BMERB1: variants seen among roughly 807,000 people sequenced by gnomAD.
The protein encoded by BMERB1 is bMERB domain containing 1, also known as bMERB domain-containing protein 1.
BMERB1 carries 12 observed loss-of-function variants against 23.6 expected under a neutral mutation model. The observed-to-expected ratio is 0.51, with a 90% CI of 0.33 to 0.82. The LOEUF is 0.82. BMERB1 is among the 40% of genes least tolerant of loss of function. The probability of loss-of-function intolerance (pLI) is 0.03; values close to 1 mark genes in which losing one functional copy is unlikely to be tolerated. For synonymous variants in BMERB1, 122 were observed against 96.6 expected, an observed-to-expected ratio of 1.26 and a Z score of -1.54; for missense variants, 247 against 255.4, an observed-to-expected ratio of 0.97 and a Z score of 0.22.
intron 2 of BMERB1, among the ~76,000 whole-genome samples, chr16:15,524,738 T>A (rs1279532320): frequency 6.6e-6 from 1 of 152,136 alleles, no homozygotes; most frequent in African/African-American, 2.4e-5. Flanking sequence ...GCCACTGCAT[T>A]CCAGCCTGGG....
chr16:15,465,346 GAT>G (rs145689655), intron 1 of BMERB1, among the ~76,000 whole-genome samples: 2 of 116,926 alleles, frequency 1.7e-5, no homozygotes, highest in African/African-American at 3.0e-5. Context: ...TCAATGCTAA[GAT>G]ATATATTTTT....
intron 1 of BMERB1, among the ~76,000 whole-genome samples, chr16:15,454,707 G>A (rs1033644347): frequency 4.0e-5 from 6 of 151,198 alleles, no homozygotes; most frequent in Admixed American, 6.6e-5. Flanking sequence ...CAGGAGAATC[G>A]CTTGAACCCA....
intron 3 of BMERB1, among the ~76,000 whole-genome samples, chr16:15,568,612 T>A (rs565176877): frequency 2.8e-4 from 43 of 152,248 alleles, no homozygotes; most frequent in Non-Finnish European, 5.7e-4. Context: ...CACTCCAGCC[T>A]GGGCAACACA....
chr16:15,495,044 T>C (rs1051834045), intron 1 of BMERB1, among the ~76,000 whole-genome samples: 4 of 151,374 alleles, frequency 2.6e-5, no homozygotes, highest in South Asian at 2.1e-4. Context: ...CCACCACCCC[T>C]GGCTAATTTT....
chr16:15,485,227 G>T (rs949892758), intron 1 of BMERB1, among the ~76,000 whole-genome samples: 1 of 152,172 alleles, frequency 6.6e-6, no homozygotes, highest in Non-Finnish European at 1.5e-5. Flanking sequence ...GTTCTGGGTC[G>T]TATGTTCATT....
At chr16:15,544,284 A>T (rs1180334777) in intron 2 of BMERB1, among the ~76,000 whole-genome samples, 1 of 152,222 alleles carries the variant, frequency 6.6e-6, no homozygotes. Flanking sequence ...ATTTTTTGAC[A>T]AGTGTTCATT....
At chr16:15,466,988 A>G (rs1214828879) in intron 1 of BMERB1, among the ~76,000 whole-genome samples, 1 of 152,082 alleles carries the variant, frequency 6.6e-6, no homozygotes, top group African/African-American at 2.4e-5. Context: ...ACTCACCGTA[A>G]TTCTCTCAAG....
intron 2 of BMERB1, among the ~76,000 whole-genome samples, chr16:15,536,280 G>T (rs1039381000): frequency 6.6e-6 from 1 of 152,086 alleles, no homozygotes; most frequent in African/African-American, 2.4e-5. Context: ...CTTCCTGACC[G>T]CTGGGCCTGC....
At chr16:15,458,381 T>C (rs2150926844) in intron 1 of BMERB1, among the ~76,000 whole-genome samples, 1 of 152,248 alleles carries the variant, frequency 6.6e-6, no homozygotes, top group African/African-American at 2.4e-5. Context: ...CTTTGTGGAA[T>C]AAAACAATTG....
chr16:15,450,261 G>A (rs1288787291), intron 1 of BMERB1, among the ~76,000 whole-genome samples: 8 of 151,864 alleles, frequency 5.3e-5, no homozygotes, highest in African/African-American at 1.7e-4. Context: ...ACTTTCCCAT[G>A]TCATAAAATA....
At chr16:15,502,274 A>G (rs1256119532) in intron 1 of BMERB1, 9 of 1,550,854 alleles carry the variant, frequency 5.8e-6, no homozygotes, top group African/African-American at 1.4e-5. Context: ...AATAACAATC[A>G]TAGCCAGGAT....
At chr16:15,519,102 C>CACACACACACACAT (rs1567481424) in intron 2 of BMERB1, among the ~76,000 whole-genome samples, 1 of 147,948 alleles carries the variant, frequency 6.8e-6, no homozygotes, top group Non-Finnish European at 1.5e-5. Flanking sequence ...CACACACACA[C>CACACACACACACAT]ACACACGTGA....
At chr16:15,538,729 T>C (rs2052051295) in intron 2 of BMERB1, among the ~76,000 whole-genome samples, 1 of 152,208 alleles carries the variant, frequency 6.6e-6, no homozygotes, top group Non-Finnish European at 1.5e-5. Flanking sequence ...CCTCTCACCA[T>C]CTGTTGTCTG....
intron 1 of BMERB1, among the ~76,000 whole-genome samples, chr16:15,486,212 A>G (rs952852413): frequency 2.0e-5 from 3 of 151,882 alleles, no homozygotes; most frequent in Non-Finnish European, 2.9e-5. Context: ...AAAAAAAAAA[A>G]AAAAAAGCCA....
At chr16:15,585,969 T>C (rs937093615) in intron 5 of BMERB1, among the ~76,000 whole-genome samples, 2 of 152,122 alleles carry the variant, frequency 1.3e-5, no homozygotes, top group African/African-American at 2.4e-5. Flanking sequence ...TACTTTTAAA[T>C]GATCAAAGAG....
At chr16:15,542,435 A>G (rs1443740763) in intron 2 of BMERB1, among the ~76,000 whole-genome samples, 1 of 151,988 alleles carries the variant, frequency 6.6e-6, no homozygotes, top group Non-Finnish European at 1.5e-5. Flanking sequence ...CCATCTCTCT[A>G]GGGAACTCAG....
chr16:15,532,156 A>C (rs1296048952), intron 2 of BMERB1, among the ~76,000 whole-genome samples: 1 of 152,126 alleles, frequency 6.6e-6, no homozygotes, highest in East Asian at 1.9e-4. Context: ...GGGGATCTCA[A>C]GTTATATTAG....
intron 2 of BMERB1, among the ~76,000 whole-genome samples, chr16:15,549,834 T>A (rs74426702): frequency 0.019 from 2,908 of 152,318 alleles, 45 homozygotes; most frequent in Non-Finnish European, 0.026. Context: ...AATTGCATAG[T>A]TTCTATCAAG....
At chr16:15,505,454 C>CTATA (rs2051577748) in intron 1 of BMERB1, among the ~76,000 whole-genome samples, 1 of 152,122 alleles carries the variant, frequency 6.6e-6, no homozygotes, top group Non-Finnish European at 1.5e-5. Flanking sequence ...CTTAAGCAGG[C>CTATA]TATAGTATTT....
Sources: gnomAD v4.1 joint callset for allele counts (sites outside exome capture counted in the v4.1 genomes callset) on GRCh38, gnomAD v4.1.1 for gene constraint, MANE v1.5 for transcripts, NCBI Gene and HGNC (gene_info 2026-07-23, HGNC 2026-07-21) for gene names.